The following SORCS3 variants were observed in gnomAD, a reference collection of about 807,000 sequenced individuals.
SORCS3 encodes the protein sortilin related VPS10 domain containing receptor 3, also known as VPS10 domain-containing receptor SorCS3.
Under a neutral mutation model 146.3 loss-of-function variants are expected in SORCS3, and 57 were observed. The ratio of observed to expected loss-of-function variants is 0.39; its 90% CI spans 0.31 to 0.49. SORCS3 has a LOEUF of 0.49. Ranked by LOEUF, SORCS3 falls within the 20% of genes least tolerant of loss-of-function variation. The pLI is 0.92. For missense variants in SORCS3, 1,341 were observed against 1,575.5 expected (o/e 0.85, Z 2.52); for synonymous variants, 653 against 618.5 (o/e 1.06, Z -0.83).
chr10:104,972,856 T>G (rs1222158367), intron 3 of SORCS3, among the ~76,000 whole-genome samples: 1 of 152,204 alleles, frequency 6.6e-6, no homozygotes, highest in East Asian at 1.9e-4. Context: ...CTTATTATTT[T>G]GAGATATGTC....
chr10:105,055,263 C>T (rs1200858459), intron 5 of SORCS3, among the ~76,000 whole-genome samples: 2 of 152,160 alleles, frequency 1.3e-5, no homozygotes, highest in South Asian at 2.1e-4. Flanking sequence ...GAGATACATA[C>T]GTAATTTGCC....
chr10:105,061,065 G>A (rs1196149964), intron 5 of SORCS3, among the ~76,000 whole-genome samples: 3 of 152,072 alleles, frequency 2.0e-5, no homozygotes, highest in Non-Finnish European at 4.4e-5. Flanking sequence ...GTTCTACTTG[G>A]AAACAAATTC....
chr10:105,245,614 G>A lies in SORCS3; in HGVS notation c.2941G>A (p.Val981Met). ...AGGAACCGACACCATCACAGTCCAG[G>A]TGGCTGCTGGGAATGCCCTCATCCA... ...AEGTDTITVQ[V>M]AAGNALIQDT... The change falls in exon 21 of 27, where the codon GTG becomes ATG. Residue 981 changes from valine (V) to methionine (M), a missense_variant. Physicochemically the swap from Val to Met is conservative, Grantham distance 21. Coordinates refer to ENST00000369701, the MANE Select transcript of SORCS3 (RefSeq NM_014978.3). 6.2e-7 allele frequency: 1 copy of A among 1,614,094 alleles called. No individual in the cohort carries two copies. The highest frequency in any genetic ancestry group is 8.5e-7 in the Non-Finnish European group (1 of 1,180,008).
At chr10:104,785,271 T>G (rs1305249955) in intron 1 of SORCS3, among the ~76,000 whole-genome samples, 1 of 146,838 alleles carries the variant, frequency 6.8e-6, no homozygotes, top group Admixed American at 6.8e-5. Context: ...CCTGTTGATC[T>G]GTGACCTTAC....
intron 4 of SORCS3, among the ~76,000 whole-genome samples, chr10:104,980,588 T>G (rs1158975801): frequency 6.6e-6 from 1 of 152,180 alleles, no homozygotes; most frequent in Non-Finnish European, 1.5e-5. Flanking sequence ...AAATGAAAAG[T>G]GCTAGTATTA....
At chr10:105,022,112 A>T (rs530726911) in intron 4 of SORCS3, among the ~76,000 whole-genome samples, 1 of 152,274 alleles carries the variant, frequency 6.6e-6, no homozygotes, top group East Asian at 1.9e-4. Context: ...ATTATAGTAC[A>T]GTGGCGACTA....
At chr10:104,696,922 C>G (rs1234145463) in intron 1 of SORCS3, among the ~76,000 whole-genome samples, 2 of 150,282 alleles carry the variant, frequency 1.3e-5, no homozygotes, top group Admixed American at 6.8e-5. Context: ...CATGTGGAAT[C>G]TAAAAAAGTT....
intron 4 of SORCS3, among the ~76,000 whole-genome samples, chr10:105,031,768 C>T (rs952271401): frequency 6.6e-6 from 1 of 152,228 alleles, no homozygotes; most frequent in Non-Finnish European, 1.5e-5. Context: ...CAACCTTTGC[C>T]TGCACCTGAA....
intron 1 of SORCS3, among the ~76,000 whole-genome samples, chr10:104,784,960 G>A (rs553184938): frequency 1.3e-5 from 2 of 152,248 alleles, no homozygotes; most frequent in South Asian, 2.1e-4. Flanking sequence ...TGAGCTGTTG[G>A]GCACACCTCC....
intron 7 of SORCS3, among the ~76,000 whole-genome samples, chr10:105,113,989 C>T (rs1044132331): frequency 1.3e-5 from 2 of 152,136 alleles, no homozygotes; most frequent in Non-Finnish European, 2.9e-5. Context: ...CCTGTCTTTT[C>T]TCCTTATGGA....
chr10:104,951,246 G>C (rs1260988425), intron 3 of SORCS3, among the ~76,000 whole-genome samples: 3 of 152,036 alleles, frequency 2.0e-5, no homozygotes, highest in African/African-American at 7.2e-5. Flanking sequence ...AATTTCTTGA[G>C]GACAGAAATC....
At chr10:104,876,238 C>T (rs1271353692) in intron 2 of SORCS3, among the ~76,000 whole-genome samples, 1 of 152,080 alleles carries the variant, frequency 6.6e-6, no homozygotes, top group Non-Finnish European at 1.5e-5. Context: ...CTGTTATAGC[C>T]GGTTTGTGTT....
chr10:105,162,658 C>A (rs703492), intron 11 of SORCS3, among the ~76,000 whole-genome samples: 1,945 of 152,282 alleles, frequency 0.013, 36 homozygotes, highest in African/African-American at 0.044. Context: ...ATAGAGTTCA[C>A]TGTGAGCCTT....
chr10:104,977,579 G>C, intron 4 of SORCS3, 86 bp downstream of exon 4: 1 of 1,290,472 alleles, frequency 7.7e-7, no homozygotes, highest in Admixed American at 2.5e-5. Flanking sequence ...ACATTTTGGA[G>C]GGAATTCAGT....
intron 3 of SORCS3, among the ~76,000 whole-genome samples, chr10:104,954,316 C>T (rs1397242901): frequency 6.6e-6 from 1 of 151,916 alleles, no homozygotes; most frequent in Non-Finnish European, 1.5e-5. Flanking sequence ...TTTCATTATC[C>T]AATAATAAAT....
intron 3 of SORCS3, among the ~76,000 whole-genome samples, chr10:104,939,388 A>G (rs2019289627): frequency 6.6e-6 from 1 of 152,204 alleles, no homozygotes; most frequent in South Asian, 2.1e-4. Flanking sequence ...CACTGGGTTG[A>G]CATTCATTTC....
Position 105,167,349 on chromosome 10 carries a change from G to A in SORCS3, c.1901G>A (p.Trp634Ter). Residue 634 changes from tryptophan to a stop codon, truncating the protein, a stop_gained and splice_region_variant, in exon 13 of 27, where the codon TGG becomes TAG. Coordinates refer to ENST00000369701, the MANE Select transcript of SORCS3 (RefSeq NM_014978.3). LOFTEE classifies it high-confidence loss of function. Reference protein sequence around the residue: ...KHTPLPVRHLWVSFDEGHSWD... With the variant: ...KHTPLPVRHL ...ACACCTCTGCCAGTCAGGCATTTGT[G>A]GTAAGGAGAGCTCCCTACCCTATTA... is the stretch of plus-strand genomic sequence containing the variant. 6.2e-7 allele frequency: 1 copy of A among 1,612,358 alleles called. No homozygotes were observed. Among genetic ancestry groups the A allele is most frequent in the Non-Finnish European group, 8.5e-7 (1 of 1,178,830 alleles).
In SORCS3 at chr10:104,767,411, C is replaced by T. The variant is rs559770297; in HGVS notation, c.628-75381C>T. Among the ~76,000 whole-genome samples, 18 of 152,260 alleles carry T rather than the reference C, an allele frequency of 1.2e-4. No homozygotes were observed. The South Asian group carries it at 1.7e-3, about 14-fold the overall frequency. ...AGCCTACCTGCTCAATAAAGTTCCA[C>T]CTTAAGATACAGGCTAAGCCTTACC... On this transcript the variant is annotated intron_variant, in intron 1 of 26. Coordinates refer to ENST00000369701, the MANE Select transcript of SORCS3 (RefSeq NM_014978.3).
chr10:105,227,463 A>T, intron 20 of SORCS3, among the ~76,000 whole-genome samples: 1 of 152,090 alleles, frequency 6.6e-6, no homozygotes, highest in East Asian at 1.9e-4. Flanking sequence ...TTGTGTCCTA[A>T]CATATGGTCG....
Sources: gnomAD v4.1 joint callset for allele counts (sites outside exome capture counted in the v4.1 genomes callset) on GRCh38, gnomAD v4.1.1 for gene constraint, MANE v1.5 for transcripts, NCBI Gene and HGNC (gene_info 2026-07-23, HGNC 2026-07-21) for gene names.